Variants in ALDH5A1 observed in about 807,000 individuals in gnomAD.
ALDH5A1 encodes aldehyde dehydrogenase 5 family member A1.
A neutral mutation model predicts 54.7 loss-of-function variants in ALDH5A1; 33 were observed. That is an observed-to-expected ratio of 0.60 (90% CI 0.46 to 0.81). The LOEUF (loss-of-function observed/expected upper bound fraction) is 0.81. ALDH5A1 is among the 30% of genes least tolerant of loss of function. The pLI is 0.00. For synonymous variants in ALDH5A1, 294 were observed against 292.7 expected, an observed-to-expected ratio of 1.00 and a Z score of -0.05; for missense variants, 657 against 711.0, an observed-to-expected ratio of 0.92 and a Z score of 0.86.
chr6:24,528,583 C>G (rs1252217991), intron 8 of ALDH5A1, among the ~76,000 whole-genome samples: 1 of 150,396 alleles, frequency 6.6e-6, no homozygotes, highest in Non-Finnish European at 1.5e-5. Context: ...AGGCTGGTCT[C>G]GAACTCCTGA....
intron 5 of ALDH5A1, among the ~76,000 whole-genome samples, chr6:24,516,975 G>A (rs1694074450): frequency 6.6e-6 from 1 of 152,002 alleles, no homozygotes; most frequent in African/African-American, 2.4e-5. Flanking sequence ...GTGCATCTAT[G>A]GTCATTTTAG....
chr6:24,529,000 G>A (rs1374487115), intron 8 of ALDH5A1, among the ~76,000 whole-genome samples: 1 of 151,954 alleles, frequency 6.6e-6, no homozygotes, highest in Non-Finnish European at 1.5e-5. Flanking sequence ...CCTTCTTAAT[G>A]TATTATACCT....
chr6:24,514,666 G>A (rs1193745414), intron 4 of ALDH5A1, among the ~76,000 whole-genome samples: 2 of 151,988 alleles, frequency 1.3e-5, no homozygotes, highest in African/African-American at 4.8e-5. Flanking sequence ...GGAGACAGAG[G>A]TTGCAATGAG....
At chr6:24,531,117 A>G (rs1323374209) in intron 8 of ALDH5A1, among the ~76,000 whole-genome samples, 1 of 152,230 alleles carries the variant, frequency 6.6e-6, no homozygotes. Context: ...TTGGGTTCAC[A>G]GAGACAGCTG....
intron 4 of ALDH5A1, among the ~76,000 whole-genome samples, chr6:24,512,472 C>T (rs1166555472): frequency 6.6e-6 from 1 of 152,154 alleles, no homozygotes; most frequent in Non-Finnish European, 1.5e-5. Flanking sequence ...TTTGTTCATG[C>T]TTGTGTTCCT....
intron 1 of ALDH5A1, among the ~76,000 whole-genome samples, chr6:24,498,084 G>A (rs887360509): frequency 6.6e-6 from 1 of 152,156 alleles, no homozygotes; most frequent in South Asian, 2.1e-4. Context: ...AGTAGGTGAA[G>A]GAGAGGGGTT....
At position 24,522,823 on chromosome 6, in the gene ALDH5A1, A is replaced by G. The variant is rs2127387956; in HGVS notation, c.1071A>G (p.Val357=). The G allele has an allele frequency of 1.2e-6, 2 of 1,614,170 alleles. No homozygotes were observed. Among genetic ancestry groups the G allele is most frequent in the Non-Finnish European group, 1.7e-6 (2 of 1,180,024 alleles). The change falls in exon 7 of 10, where the codon GTA becomes GTG. Residue 357 remains valine, a synonymous_variant. Transcript: ENST00000357578. Reference sequence around the variant, plus strand: ...AAAGGGGCATCCATGATGCCTTTGTAAAAGCATTCGCCGAGGCCATGAAGA... The same window carrying G: ...AAAGGGGCATCCATGATGCCTTTGTGAAAGCATTCGCCGAGGCCATGAAGA... ...LVQRGIHDAF[V]KAFAEAMKKN...
chr6:24,520,403 C>T lies in ALDH5A1; in HGVS notation c.873C>T (p.Ile291=). The T allele has an allele frequency of 3.1e-6, 5 of 1,614,004 alleles. No homozygotes were observed. The highest frequency in any genetic ancestry group is 3.4e-6 in the Non-Finnish European group (4 of 1,180,014). ...AGCTTTCTCTCCTCTGCTCACAGATCCTGTTGCACCACGCAGCAAACTCTG... is the reference window on the plus strand; with the variant it reads ...AGCTTTCTCTCCTCTGCTCACAGATTCTGTTGCACCACGCAGCAAACTCTG... ...SFTGSTTTGK[I]LLHHAANSVK... is the part of the protein sequence containing the mutation. Residue 291 remains isoleucine (I), a splice_region_variant and synonymous_variant, in exon 6 of 10, where the codon ATC becomes ATT. Transcript: ENST00000357578.
At chr6:24,515,738 G>A (rs1412984393) in intron 5 of ALDH5A1, among the ~76,000 whole-genome samples, 1 of 152,140 alleles carries the variant, frequency 6.6e-6, no homozygotes, top group African/African-American at 2.4e-5. Context: ...AGGTCTGTTG[G>A]TTGAATAAAG....
chr6:24,536,937 TA>T lies in ALDH5A1; in HGVS notation c.*3230del, dbSNP rs376007224. On this transcript the variant is annotated 3_prime_UTR_variant, in exon 10 of 10. Transcript: ENST00000357578. Reference sequence around the variant, plus strand: ...AATTGTGCCACATGACTTTTTCCTCTAAAAACTGGATCCTAGTGTTTTAATT... The same window carrying T: ...AATTGTGCCACATGACTTTTTCCTCTAAAACTGGATCCTAGTGTTTTAATT... The T allele has an allele frequency of 2.0e-5, 3 of 152,814 alleles. No individual in the cohort carries two copies. Among genetic ancestry groups the T allele is most frequent in the African/African-American group, 7.2e-5 (3 of 41,596 alleles). 9.5% of individuals were successfully genotyped at this position (152,814 alleles called of 1,614,324 possible).
chr6:24,516,440 C>CAAACA (rs1759574729), intron 5 of ALDH5A1, among the ~76,000 whole-genome samples: 1 of 70,134 alleles, frequency 1.4e-5, no homozygotes, highest in East Asian at 5.0e-4. Flanking sequence ...GACTCTGTCT[C>CAAACA]AAAAAAAAAA....
intron 7 of ALDH5A1, among the ~76,000 whole-genome samples, chr6:24,526,342 A>G (rs1759797196): frequency 6.6e-6 from 1 of 152,210 alleles, no homozygotes; most frequent in South Asian, 2.1e-4. Context: ...CAGATAAATT[A>G]GGGAACTGGA....
chr6:24,522,763 C>T lies in ALDH5A1; in HGVS notation c.1015-4C>T, dbSNP rs1047463626. On this transcript the variant is annotated splice_polypyrimidine_tract_variant and splice_region_variant and intron_variant, in intron 6 of 9. Coordinates refer to ENST00000357578, the MANE Select transcript of ALDH5A1 (RefSeq NM_001080.3). ...GTGTGGGTTTGTTTTTGTCTCCTGT[C>T]CAGACTTGTGTTTGCTCAAACCAAT... The T allele has an allele frequency of 9.3e-6, 15 of 1,613,666 alleles. No individual in the cohort carries two copies. Among genetic ancestry groups the T allele is most frequent in the Non-Finnish European group, 1.3e-5 (15 of 1,179,838 alleles).
At chr6:24,511,992 T>C (rs1414658145) in intron 4 of ALDH5A1, 9 of 406,932 alleles carry the variant, frequency 2.2e-5, no homozygotes, top group Middle Eastern at 4.9e-4. Context: ...GGCTGAAGGC[T>C]GTTGTTCAGA....
At chr6:24,507,263 C>T (rs1759375708) in intron 4 of ALDH5A1, among the ~76,000 whole-genome samples, 1 of 152,066 alleles carries the variant, frequency 6.6e-6, no homozygotes, top group Non-Finnish European at 1.5e-5. Flanking sequence ...TGACAGTAGT[C>T]TGGGCCTATC....
chr6:24,525,174 A>G (rs1759776415), intron 7 of ALDH5A1, among the ~76,000 whole-genome samples: 1 of 152,214 alleles, frequency 6.6e-6, no homozygotes, highest in Non-Finnish European at 1.5e-5. Flanking sequence ...CATTAATATG[A>G]CAAGAAAAGG....
At chr6:24,496,882 G>A (rs1404574708) in intron 1 of ALDH5A1, among the ~76,000 whole-genome samples, 1 of 152,130 alleles carries the variant, frequency 6.6e-6, no homozygotes, top group Non-Finnish European at 1.5e-5. Context: ...TGAGATACTG[G>A]GGGGTTAGGA....
At position 24,515,299 on chromosome 6, in the gene ALDH5A1, A is replaced by G. The variant is rs369156704; in HGVS notation, c.859A>G (p.Thr287Ala). 2.5e-5 allele frequency: 40 copies of G among 1,613,562 alleles called. No homozygotes were observed. The African/African-American group carries it at 4.5e-4, about 18-fold the overall frequency. Reference protein sequence around the residue: ...VSKISFTGSTTTGKILLHHAA... With the variant: ...VSKISFTGSTATGKILLHHAA... ...CAAAATTTCCTTTACTGGTTCAACA[A>G]CTACAGGAAAGGTATGTGACTCAAG... Residue 287 changes from threonine to alanine, a missense_variant, in exon 5 of 10, where the codon ACT becomes GCT. Around this residue, in one of 2 missense-constraint regions of ALDH5A1, gnomAD observed 425 missense variants for 516.4 expected, o/e 0.82. Coordinates refer to ENST00000357578, the MANE Select transcript of ALDH5A1 (RefSeq NM_001080.3).
intron 4 of ALDH5A1, among the ~76,000 whole-genome samples, chr6:24,506,162 A>G (rs1311364560): frequency 6.6e-6 from 1 of 151,316 alleles, no homozygotes; most frequent in African/African-American, 2.4e-5. Flanking sequence ...TCCTATAGAA[A>G]CTTCGAATTC....
Sources: gnomAD v4.1 joint callset for allele counts (sites outside exome capture counted in the v4.1 genomes callset) on GRCh38, gnomAD v4.1.1 for gene constraint, gnomAD v4.1.1 regional missense constraint, MANE v1.5 for transcripts, NCBI Gene and HGNC (gene_info 2026-07-23, HGNC 2026-07-21) for gene names.